Variants in ESRRG observed in about 807,000 individuals in gnomAD.
The protein encoded by ESRRG is estrogen related receptor gamma.
Under a neutral mutation model 44.0 loss-of-function variants are expected in ESRRG, and 13 were observed. The ratio of observed to expected loss-of-function variants is 0.30; its 90% CI spans 0.19 to 0.47. The LOEUF (loss-of-function observed/expected upper bound fraction) is 0.47, where lower values mean the gene tolerates loss of function less well. Among genes scored for constraint, ESRRG ranks in the 20% least tolerant of loss-of-function variants. ESRRG has a pLI of 1.00. For missense variants in ESRRG, 395 were observed against 580.6 expected, an observed-to-expected ratio of 0.68 and a Z score of 3.29; for synonymous variants, 215 against 214.6, an observed-to-expected ratio of 1.00 and a Z score of -0.02.
rs185666836 is a variant in ESRRG, at chr1:217,033,357, A to T, written c.-106+56150T>A. ...GATGCCTCTCCACCCCTGTGAGTTC[A>T]TACAGTAGAGATGGCCTCTGAATAT... is the stretch of plus-strand genomic sequence containing the variant. On this transcript the variant is annotated intron_variant, in intron 1 of 7. Coordinates refer to the ESRRG transcript ENST00000359162. Among the ~76,000 whole-genome samples, 21 of 152,294 alleles carry T rather than the reference A, an allele frequency of 1.4e-4. No homozygotes were observed. In the East Asian group the frequency reaches 3.9e-3, roughly 28 times the overall value.
At chr1:216,780,051 T>C (rs908926620) in intron 2 of ESRRG, among the ~76,000 whole-genome samples, 4 of 151,888 alleles carry the variant, frequency 2.6e-5, no homozygotes, top group Non-Finnish European at 5.9e-5. Context: ...TTAAAGGCCA[T>C]GTGCATGTTT....
intron 2 of ESRRG, among the ~76,000 whole-genome samples, chr1:216,776,562 A>G (rs1025489095): frequency 2.6e-5 from 4 of 151,832 alleles, no homozygotes; most frequent in Non-Finnish European, 5.9e-5. Context: ...TTCCTAGTAC[A>G]GTTAATTATG....
intron 1 of ESRRG, among the ~76,000 whole-genome samples, chr1:217,069,674 A>G (rs1313697952): frequency 6.6e-6 from 1 of 152,020 alleles, no homozygotes; most frequent in Non-Finnish European, 1.5e-5. Flanking sequence ...CTTCAAAACA[A>G]ACATGCAAAG....
intron 2 of ESRRG, among the ~76,000 whole-genome samples, chr1:216,806,935 A>C (rs11117683): frequency 0.11 from 17,361 of 152,146 alleles, 1,912 homozygotes; most frequent in African/African-American, 0.29. Flanking sequence ...CCTGTGGGCT[A>C]GTAAAGGAAT....
intron 1 of ESRRG, among the ~76,000 whole-genome samples, chr1:217,126,685 G>C (rs1355420130): frequency 6.6e-6 from 1 of 152,014 alleles, no homozygotes; most frequent in Non-Finnish European, 1.5e-5. Flanking sequence ...ACCTACAAAG[G>C]GAAGGTTCCT....
At chr1:216,621,080 C>T (rs1474636849) in intron 3 of ESRRG, among the ~76,000 whole-genome samples, 2 of 152,064 alleles carry the variant, frequency 1.3e-5, no homozygotes, top group African/African-American at 4.8e-5. Context: ...CTAGAAGCAG[C>T]CCCAGATATG....
At chr1:216,983,015 T>C (rs1213789611) in intron 1 of ESRRG, among the ~76,000 whole-genome samples, 3 of 145,134 alleles carry the variant, frequency 2.1e-5, no homozygotes, top group Non-Finnish European at 4.5e-5. Context: ...CCTGACTAGT[T>C]ACGTGACTTT....
chr1:216,505,659 G>A lies in ESRRG; in HGVS notation c.*1280C>T, dbSNP rs2041073489. ...TCTACGGATCTATATCTCATGTGCA[G>A]TGCTTATATATGTGACTACTCAGAG... On this transcript the variant is annotated 3_prime_UTR_variant, in exon 7 of 7. Transcript: ENST00000408911. The A allele has an allele frequency of 6.6e-6, 1 of 152,560 alleles. No homozygotes were observed. Among genetic ancestry groups the A allele is most frequent in the East Asian group, 1.9e-4 (1 of 5,192 alleles). The allele number at this position is 152,560 out of a possible 1,614,324, so 9.5% of individuals were successfully genotyped here.
At chr1:216,829,037 T>C (rs534359046) in intron 2 of ESRRG, among the ~76,000 whole-genome samples, 4 of 152,358 alleles carry the variant, frequency 2.6e-5, no homozygotes, top group Admixed American at 6.5e-5. Flanking sequence ...GACATATGTA[T>C]GTCTTTAAGT....
chr1:216,806,406 G>A (rs1279081071), intron 2 of ESRRG, among the ~76,000 whole-genome samples: 1 of 152,176 alleles, frequency 6.6e-6, no homozygotes, highest in Non-Finnish European at 1.5e-5. Flanking sequence ...TAATTAGCTT[G>A]AGTTTGGGAA....
chr1:216,787,477 C>A (rs533949445), intron 2 of ESRRG, among the ~76,000 whole-genome samples: 1 of 151,688 alleles, frequency 6.6e-6, no homozygotes, highest in Non-Finnish European at 1.5e-5. Context: ...GTGGCACACA[C>A]CTGTAGTCCC....
intron 2 of ESRRG, among the ~76,000 whole-genome samples, chr1:216,935,319 T>A (rs1041826192): frequency 6.6e-6 from 1 of 152,210 alleles, no homozygotes; most frequent in Non-Finnish European, 1.5e-5. Context: ...ACAACTGCTG[T>A]TTGATTTAGC....
intron 3 of ESRRG, among the ~76,000 whole-genome samples, chr1:216,636,107 CAT>C (rs551312506): frequency 6.6e-6 from 1 of 152,200 alleles, no homozygotes; most frequent in Non-Finnish European, 1.5e-5. Flanking sequence ...AGGCTAGAGA[CAT>C]AAAGAATCTT....
At chr1:216,903,814 G>A (rs912497274) in intron 2 of ESRRG, among the ~76,000 whole-genome samples, 3 of 152,110 alleles carry the variant, frequency 2.0e-5, no homozygotes, top group Non-Finnish European at 4.4e-5. Flanking sequence ...CATGCTACCA[G>A]GTATAGATCA....
chr1:217,071,118 G>A (rs777762400), intron 1 of ESRRG, among the ~76,000 whole-genome samples: 4 of 151,958 alleles, frequency 2.6e-5, no homozygotes, highest in Admixed American at 6.6e-5. Context: ...TTTGAGTTCT[G>A]TGATATTTCT....
At chr1:216,705,071 A>G (rs1287291203) in intron 1 of ESRRG, among the ~76,000 whole-genome samples, 1 of 152,184 alleles carries the variant, frequency 6.6e-6, no homozygotes, top group Non-Finnish European at 1.5e-5. Context: ...ATTTCAGTAT[A>G]AATGACTTGT....
chr1:216,735,369 TA>T (rs59778975), intron 2 of ESRRG, among the ~76,000 whole-genome samples: 9,179 of 145,666 alleles, frequency 0.063, 341 homozygotes, highest in African/African-American at 0.087. Context: ...CCCAGCTAAT[TA>T]AAAAAAAAAA....
chr1:216,539,549 C>G (rs6694260), intron 5 of ESRRG, among the ~76,000 whole-genome samples: 2 of 151,888 alleles, frequency 1.3e-5, no homozygotes, highest in East Asian at 3.9e-4. Flanking sequence ...CAAGCACACT[C>G]CTGCCTCAGG....
intron 2 of ESRRG, among the ~76,000 whole-genome samples, chr1:216,821,192 C>T (rs1358955602): frequency 1.3e-5 from 2 of 152,154 alleles, no homozygotes; most frequent in South Asian, 2.1e-4. Flanking sequence ...TACTTGCTCC[C>T]TCCTTCCAGG....
Sources: allele counts gnomAD v4.1 joint callset (sites outside exome capture counted in the v4.1 genomes callset), GRCh38; gene constraint gnomAD v4.1.1; transcripts MANE v1.5; gene names NCBI Gene and HGNC (gene_info 2026-07-23, HGNC 2026-07-21).